Variants in FBXL17 observed in about 807,000 individuals in gnomAD.
FBXL17 encodes the protein F-box and leucine rich repeat protein 17, also known as F-box/LRR-repeat protein 17.
A neutral mutation model predicts 66.2 loss-of-function variants in FBXL17; 22 were observed. That is an observed-to-expected ratio of 0.33 (90% CI 0.24 to 0.47). The LOEUF is 0.47. FBXL17 is among the 20% of genes least tolerant of loss of function. The pLI is 1.00. For synonymous variants in FBXL17, 474 were observed against 400.5 expected (o/e 1.18, Z -2.19); for missense variants, 878 against 948.2 (o/e 0.93, Z 0.97).
chr5:108,134,441 A>G (rs1054280474), intron 6 of FBXL17, among the ~76,000 whole-genome samples: 1 of 152,204 alleles, frequency 6.6e-6, no homozygotes, highest in African/African-American at 2.4e-5. Context: ...ATTTCTAACC[A>G]TAAGTTTTTA....
chr5:108,245,024 G>C (rs1215724396), intron 4 of FBXL17, among the ~76,000 whole-genome samples: 1 of 152,096 alleles, frequency 6.6e-6, no homozygotes, highest in East Asian at 1.9e-4. Flanking sequence ...ATAAAATCTT[G>C]AGTAATAAGC....
chr5:108,126,651 C>CTCTCTCTCTCTCTCTCTCTATATATA (rs1554067324), intron 6 of FBXL17, among the ~76,000 whole-genome samples: 2 of 108,042 alleles, frequency 1.9e-5, no homozygotes, highest in Non-Finnish European at 4.1e-5. Flanking sequence ...CTCTCTCTCT[C>CTCTCTCTCTCTCTCTCTCTATATATA]TATATATATA....
intron 7 of FBXL17, among the ~76,000 whole-genome samples, chr5:107,919,973 T>C (rs757557662): frequency 6.6e-6 from 1 of 152,222 alleles, no homozygotes; most frequent in Non-Finnish European, 1.5e-5. Context: ...AATAAATGAA[T>C]TGAATGATGA....
rs1368453806 is a variant in FBXL17 at position 108,201,900 on chromosome 5, T to G, written c.1615-15653A>C. 2.0e-5 allele frequency among the ~76,000 whole-genome samples: 3 copies of G among 151,752 alleles called. No homozygotes were observed. In the South Asian group the frequency reaches 6.2e-4, roughly 32 times the overall value. On this transcript the variant is annotated intron_variant, in intron 5 of 8. Transcript: ENST00000542267. ...AAAGCAACAGCTCATAATCTCTTTC[T>G]TGGATAAAGACTGACCTCATGTGTT... is the stretch of plus-strand genomic sequence containing the variant.
At chr5:108,299,800 C>T (rs996999651) in intron 4 of FBXL17, 237 of 984,578 alleles carry the variant, frequency 2.4e-4, no homozygotes, top group Non-Finnish European at 2.7e-4. Context: ...AACTAAATAG[C>T]GTGGACACAA....
intron 6 of FBXL17, among the ~76,000 whole-genome samples, chr5:108,139,618 C>T (rs1203894096): frequency 6.6e-6 from 1 of 152,154 alleles, no homozygotes; most frequent in Admixed American, 6.5e-5. Context: ...TCCCAAGGGC[C>T]CTACCCAATT....
At chr5:108,328,174 A>C (rs1759945409) in intron 4 of FBXL17, among the ~76,000 whole-genome samples, 1 of 152,136 alleles carries the variant, frequency 6.6e-6, no homozygotes, top group Non-Finnish European at 1.5e-5. Context: ...TACTTCCCAA[A>C]AGAAAAATAT....
chr5:108,127,133 T>A (rs1354296355), intron 6 of FBXL17, among the ~76,000 whole-genome samples: 1 of 152,212 alleles, frequency 6.6e-6, no homozygotes, highest in Non-Finnish European at 1.5e-5. Flanking sequence ...GAGAAAGATA[T>A]GCACATGAAA....
intron 7 of FBXL17, among the ~76,000 whole-genome samples, chr5:107,883,086 A>AT (rs1422778900): frequency 1.4e-4 from 21 of 152,204 alleles, no homozygotes; most frequent in Admixed American, 1.4e-3. Flanking sequence ...CGTTTATTTA[A>AT]TAAGCACCTC....
At chr5:108,224,661 G>A (rs755019230) in intron 4 of FBXL17, among the ~76,000 whole-genome samples, 4 of 151,984 alleles carry the variant, frequency 2.6e-5, no homozygotes, top group Non-Finnish European at 5.9e-5. Flanking sequence ...GCACAATCTC[G>A]ACTCACTGCA....
At chr5:108,221,877 A>G (rs569337387) in intron 5 of FBXL17, among the ~76,000 whole-genome samples, 1 of 152,298 alleles carries the variant, frequency 6.6e-6, no homozygotes, top group East Asian at 1.9e-4. Flanking sequence ...TGCATGTATA[A>G]AATGTCCTCT....
chr5:108,271,103 A>G (rs1344254981), intron 4 of FBXL17, among the ~76,000 whole-genome samples: 2 of 152,006 alleles, frequency 1.3e-5, no homozygotes, highest in African/African-American at 4.8e-5. Flanking sequence ...AAAAAAAGAA[A>G]TAGCAACAGA....
intron 6 of FBXL17, among the ~76,000 whole-genome samples, chr5:108,151,076 C>T (rs1052500796): frequency 2.0e-5 from 3 of 152,074 alleles, no homozygotes; most frequent in Admixed American, 2.0e-4. Context: ...TTCGTGAGGC[C>T]TATAGTTTTA....
At chr5:108,077,730 G>C (rs948150646) in intron 6 of FBXL17, among the ~76,000 whole-genome samples, 1 of 150,934 alleles carries the variant, frequency 6.6e-6, no homozygotes, top group Non-Finnish European at 1.5e-5. Flanking sequence ...CGTTGTTTTT[G>C]AGTTTTTATT....
Position 108,271,200 on chromosome 5 carries a change from G to A in FBXL17, c.1507-46972C>T, listed in dbSNP as rs977886018. Among the ~76,000 whole-genome samples the A allele has an allele frequency of 4.0e-4, 61 of 152,026 alleles. 1 individual carries two copies. Among genetic ancestry groups the A allele is most frequent in the Non-Finnish European group, 1.0e-4 (7 of 68,024 alleles). Reference sequence around the variant, plus strand: ...ATACATGATGGTCTCAATTCCTCCAGTGAAATAAACCATGAAAACTGGAGC... The same window carrying A: ...ATACATGATGGTCTCAATTCCTCCAATGAAATAAACCATGAAAACTGGAGC... On this transcript the variant is annotated intron_variant, in intron 4 of 8. Coordinates refer to ENST00000542267, the MANE Select transcript of FBXL17 (RefSeq NM_001163315.3).
intron 6 of FBXL17, among the ~76,000 whole-genome samples, chr5:108,166,657 C>T (rs897057254): frequency 3.3e-5 from 5 of 152,072 alleles, no homozygotes; most frequent in Admixed American, 6.5e-5. Flanking sequence ...ACAAGCTATA[C>T]GCAATAGATA....
chr5:107,973,858 A>AG (rs1752478488), intron 7 of FBXL17, among the ~76,000 whole-genome samples: 1 of 151,930 alleles, frequency 6.6e-6, no homozygotes, highest in South Asian at 2.1e-4. Flanking sequence ...AAAAAAAAAA[A>AG]ATACACTTAA....
Position 108,380,960 on chromosome 5 carries a change from G to T in FBXL17, c.732C>A (p.Asp244Glu), listed in dbSNP as rs1353575310. The change falls in exon 1 of 9, where the codon GAC (aspartate) becomes GAA (glutamate). Residue 244 changes from aspartate to glutamate, a missense_variant. By Grantham distance (45) the Asp-to-Glu change is conservative. Around this residue, in one of 4 missense-constraint regions of FBXL17, gnomAD observed 605 missense variants for 509.5 expected, o/e 1.19. Coordinates refer to ENST00000542267, the MANE Select transcript of FBXL17 (RefSeq NM_001163315.3). ...GCTCCGGGGCCTGGCAGCAGCCGGC[G>T]TCGGGGGGCCGGGGCGGCGAAGCGC... ...GGGASPPRPP[D>E]AGCCQAPEQP... The T allele has an allele frequency of 7.9e-5, 96 of 1,220,890 alleles. No homozygotes were observed. The highest frequency in any genetic ancestry group is 8.9e-5 in the Non-Finnish European group (87 of 980,234). 75.6% of individuals were successfully genotyped at this position (1,220,890 alleles called of 1,614,324 possible).
At position 108,184,923 on chromosome 5, in the gene FBXL17, A is replaced by G. The variant is rs138430086; in HGVS notation, c.1745+1194T>C. Reference sequence around the variant, plus strand: ...TTTTTGGAAACTTATCTTTTAAAACAAAATTCTTGGAAACTTACTGGGCAA... The same window carrying G: ...TTTTTGGAAACTTATCTTTTAAAACGAAATTCTTGGAAACTTACTGGGCAA... On this transcript the variant is annotated intron_variant, in intron 6 of 8. Coordinates refer to ENST00000542267, the MANE Select transcript of FBXL17 (RefSeq NM_001163315.3). 2.2e-4 allele frequency among the ~76,000 whole-genome samples: 33 copies of G among 152,274 alleles called. No individual in the cohort carries two copies. In the East Asian group the frequency reaches 6.2e-3, roughly 28 times the overall value.
Sources: allele counts gnomAD v4.1 joint callset (sites outside exome capture counted in the v4.1 genomes callset), GRCh38; gene constraint gnomAD v4.1.1; regional missense constraint gnomAD v4.1.1; transcripts MANE v1.5; gene names NCBI Gene and HGNC (gene_info 2026-07-23, HGNC 2026-07-21).